Variants in DCP2 observed in about 807,000 individuals in gnomAD.
DCP2 encodes m7GpppN-mRNA hydrolase.
In DCP2, 30 loss-of-function variants were observed where a neutral mutation model predicts 56.1. That is an observed-to-expected ratio of 0.53 (90% CI 0.40 to 0.73). The LOEUF (loss-of-function observed/expected upper bound fraction) is 0.73, where lower values mean the gene tolerates loss of function less well. Among genes scored for constraint, DCP2 ranks in the 30% least tolerant of loss-of-function variants. The pLI, the probability that DCP2 is intolerant of heterozygous loss-of-function variation, is 0.00. For missense variants in DCP2, 533 were observed against 502.7 expected, an observed-to-expected ratio of 1.06 and a Z score of -0.58; for synonymous variants, 197 against 163.3, an observed-to-expected ratio of 1.21 and a Z score of -1.57.
chr5:112,985,254 A>G (rs1175016289), intron 1 of DCP2, among the ~76,000 whole-genome samples: 1 of 152,176 alleles, frequency 6.6e-6, no homozygotes, highest in Non-Finnish European at 1.5e-5. Context: ...ATATAAATGT[A>G]TATTTATATG....
chr5:112,993,354 G>T (rs1186793652), intron 4 of DCP2, among the ~76,000 whole-genome samples: 1 of 152,002 alleles, frequency 6.6e-6, no homozygotes, highest in African/African-American at 2.4e-5. Context: ...TGCTGTTATG[G>T]CCAGGCACGG....
At chr5:112,989,445 T>G (rs1035855812) in intron 2 of DCP2, among the ~76,000 whole-genome samples, 7 of 151,758 alleles carry the variant, frequency 4.6e-5, no homozygotes, top group African/African-American at 1.7e-4. Flanking sequence ...AAAAAAAGAT[T>G]TGGGAGCTAA....
At chr5:112,977,471 A>G (rs544674242) in intron 1 of DCP2, among the ~76,000 whole-genome samples, 69 of 152,162 alleles carry the variant, frequency 4.5e-4, no homozygotes, top group African/African-American at 1.6e-3. Context: ...AAATTTTCGG[A>G]CTTATTCTGA....
At position 113,021,426 on chromosome 5, in the gene DCP2, G is replaced by C. The variant is rs979552962; in HGVS notation, c.*7942G>C. On this transcript the variant is annotated 3_prime_UTR_variant, in exon 11 of 11. Transcript: ENST00000389063. ...AAAACCCCCAGGAAGAAATATTGTCGAGAGTCTCTGCAAAAATGAAAATAC... is the reference window on the plus strand; with the variant it reads ...AAAACCCCCAGGAAGAAATATTGTCCAGAGTCTCTGCAAAAATGAAAATAC... Among the ~76,000 whole-genome samples, 1 of 148,118 alleles carries C rather than the reference G, an allele frequency of 6.8e-6. No individual in the cohort carries two copies. Among genetic ancestry groups the C allele is most frequent in the Non-Finnish European group, 1.5e-5 (1 of 67,294 alleles).
In DCP2 at chr5:113,021,700, G is replaced by A. The variant is rs1194397682; in HGVS notation, c.*8216G>A. ...GAGTGACTAAGGTGTTATACTTACT[G>A]TCAAAGTTACTTTGCTTCCATAGTG... On this transcript the variant is annotated 3_prime_UTR_variant, in exon 11 of 11. Coordinates refer to ENST00000389063, the MANE Select transcript of DCP2 (RefSeq NM_152624.6). 1.7e-5 allele frequency among the ~76,000 whole-genome samples: 2 copies of A among 118,706 alleles called. No homozygotes were observed. The highest frequency in any genetic ancestry group is 5.3e-5 in the African/African-American group (2 of 37,728). 77.9% of individuals were successfully genotyped at this position (118,706 alleles called of 152,430 possible).
intron 4 of DCP2, among the ~76,000 whole-genome samples, chr5:112,993,898 T>C (rs1293842519): frequency 1.3e-4 from 19 of 151,932 alleles, no homozygotes; most frequent in Admixed American, 1.2e-3. Context: ...ACACATACAA[T>C]TATTTTTGGT....
chr5:113,002,256 C>G (rs1471189495), intron 7 of DCP2, among the ~76,000 whole-genome samples: 1 of 151,976 alleles, frequency 6.6e-6, no homozygotes, highest in Non-Finnish European at 1.5e-5. Flanking sequence ...AACCCCATCT[C>G]TACTAGAAGT....
In DCP2 at chr5:113,021,165, G is replaced by T. The variant is rs531103840; in HGVS notation, c.*7681G>T. Among the ~76,000 whole-genome samples the T allele has an allele frequency of 2.0e-5, 3 of 152,076 alleles. No homozygotes were observed. The highest frequency in any genetic ancestry group is 4.4e-5 in the Non-Finnish European group (3 of 68,014). ...GAGGCTGAGTTGGGTGGATCACGAG[G>T]TCAGGAGTTCGAGACCAGCCTGACC... On this transcript the variant is annotated 3_prime_UTR_variant, in exon 11 of 11. Coordinates refer to ENST00000389063, the MANE Select transcript of DCP2 (RefSeq NM_152624.6).
intron 4 of DCP2, among the ~76,000 whole-genome samples, chr5:112,996,023 G>A (rs1475555505): frequency 6.6e-6 from 1 of 152,178 alleles, no homozygotes; most frequent in Non-Finnish European, 1.5e-5. Flanking sequence ...TTAGGGCCCT[G>A]CCCTTATGGA....
rs768428291 is a variant in DCP2 at position 112,976,978 on chromosome 5, T to G, written c.45T>G (p.Asp15Glu). 1.9e-6 allele frequency: 3 copies of G among 1,587,890 alleles called. No individual in the cohort carries two copies. The highest frequency in any genetic ancestry group is 2.6e-6 in the Non-Finnish European group (3 of 1,160,942). Residue 15 changes from aspartate to glutamate, a missense_variant, in exon 1 of 11, where the codon GAT becomes GAG. Physicochemically the swap from Asp to Glu is conservative, Grantham distance 45. Around this residue, in one of 3 missense-constraint regions of DCP2, gnomAD observed 137 missense variants for 138.2 expected, o/e 0.99. Transcript: ENST00000389063. ...AGATTCCCGGCAGCGTCCTGGACGA[T>G]CTCTGCAGGTACCGCGCTACCCGAC... ...RVEIPGSVLD[D>E]LCSRFILHIP...
intron 2 of DCP2, among the ~76,000 whole-genome samples, chr5:112,988,365 G>A (rs182766592): frequency 3.1e-4 from 47 of 151,232 alleles, no homozygotes; most frequent in African/African-American, 6.1e-4. Flanking sequence ...GGTGGCGGGC[G>A]CTTGTAGTCC....
intron 8 of DCP2, among the ~76,000 whole-genome samples, chr5:113,005,383 T>C (rs35366622): frequency 0.067 from 10,215 of 151,896 alleles, 476 homozygotes; most frequent in Non-Finnish European, 0.1. Context: ...AAAGAAGATA[T>C]GCAAATGGCT....
rs1749964062 is a variant in DCP2, at chr5:113,018,097, G to T, written c.*4613G>T. On this transcript the variant is annotated 3_prime_UTR_variant, in exon 11 of 11. Coordinates refer to ENST00000389063, the MANE Select transcript of DCP2 (RefSeq NM_152624.6). The stretch of plus-strand genomic sequence containing the variant: ...CTTTGGTGTCAGTCACATCACAGTG[G>T]TTATACATTTGTCCTGAATGGTGAT... 1 of 152,132 alleles carries T rather than the reference G, an allele frequency of 6.6e-6. No individual in the cohort carries two copies. The highest frequency in any genetic ancestry group is 1.5e-5 in the Non-Finnish European group (1 of 68,026). The allele number at this position is 152,132 out of a possible 1,614,324, so 9.4% of individuals were successfully genotyped here. A position where few individuals can be genotyped will look rare whatever the true frequency, so the allele number is the denominator to read the frequency against.
intron 4 of DCP2, among the ~76,000 whole-genome samples, chr5:112,999,969 G>A (rs1561697077): frequency 6.7e-6 from 1 of 149,500 alleles, no homozygotes; most frequent in Non-Finnish European, 1.5e-5. Context: ...GCTGAGGCAG[G>A]AGAATTGCTT....
intron 8 of DCP2, among the ~76,000 whole-genome samples, chr5:113,007,092 C>G (rs535061156): frequency 2.6e-5 from 4 of 151,842 alleles, no homozygotes; most frequent in African/African-American, 9.7e-5. Context: ...GAGCCAAGCA[C>G]TGTGCTCCGG....
At position 113,004,035 on chromosome 5, in the gene DCP2, A is replaced by G. The variant is rs200344009; in HGVS notation, c.900A>G (p.Pro300=). Residue 300 remains proline, a synonymous_variant, in exon 8 of 11, where the codon CCA becomes CCG. Transcript: ENST00000389063. ...ACAGGCAACCACTGCAGCAAAAGCC[A>G]TATAATAATCATTCTGAAATGTCTG... ...VKHRQPLQQK[P]YNNHSEMSDL... 36 of 1,614,164 alleles carry G rather than the reference A, an allele frequency of 2.2e-5. 1 individual carries two copies. The East Asian group carries it at 6.2e-4, about 28-fold the overall frequency.
At chr5:112,998,426 T>C (rs1196757553) in intron 4 of DCP2, among the ~76,000 whole-genome samples, 2 of 152,220 alleles carry the variant, frequency 1.3e-5, no homozygotes, top group Non-Finnish European at 2.9e-5. Context: ...AGACGTCTAC[T>C]AAAGGCTGAG....
chr5:112,977,290 G>A (rs558182097), intron 1 of DCP2, among the ~76,000 whole-genome samples: 1 of 152,202 alleles, frequency 6.6e-6, no homozygotes, highest in South Asian at 2.1e-4. Context: ...CTGGGTCTTA[G>A]CGTTTTGCCG....
intron 4 of DCP2, among the ~76,000 whole-genome samples, chr5:112,994,103 T>C (rs934332816): frequency 6.6e-6 from 1 of 151,162 alleles, no homozygotes; most frequent in Admixed American, 6.6e-5. Context: ...GACTGGGCCT[T>C]AGTTTCTTAA....
Sources: gnomAD v4.1 joint callset for allele counts (sites outside exome capture counted in the v4.1 genomes callset) on GRCh38, gnomAD v4.1.1 for gene constraint, gnomAD v4.1.1 regional missense constraint, MANE v1.5 for transcripts, NCBI Gene and HGNC (gene_info 2026-07-23, HGNC 2026-07-21) for gene names.